Variants in CHEK1 observed in about 807,000 individuals in gnomAD.
CHEK1 encodes the protein serine/threonine-protein kinase Chk1.
In CHEK1, 32 loss-of-function variants were observed where a neutral mutation model predicts 60.2. The observed-to-expected ratio is 0.53, with a 90% CI of 0.40 to 0.71. The LOEUF (loss-of-function observed/expected upper bound fraction) is 0.71, where lower values mean the gene tolerates loss of function less well. Among genes scored for constraint, CHEK1 ranks in the 30% least tolerant of loss-of-function variants. The pLI is 0.00. For missense variants in CHEK1, 399 were observed against 564.6 expected, an observed-to-expected ratio of 0.71 and a Z score of 2.97; for synonymous variants, 179 against 187.2, an observed-to-expected ratio of 0.96 and a Z score of 0.36.
At chr11:125,641,122 A>G (rs1941288622) in intron 8 of CHEK1, among the ~76,000 whole-genome samples, 2 of 152,152 alleles carry the variant, frequency 1.3e-5, no homozygotes, top group Admixed American at 1.3e-4. Context: ...TACCATTTGT[A>G]CTTTCAGGCA....
chr11:125,641,272 C>T (rs568364849), intron 8 of CHEK1, among the ~76,000 whole-genome samples: 110 of 152,090 alleles, frequency 7.2e-4, no homozygotes, highest in African/African-American at 2.6e-3. Flanking sequence ...GGCTTCCAGG[C>T]GTTACACTCT....
chr11:125,630,020 G>A (rs1239137000), intron 5 of CHEK1, among the ~76,000 whole-genome samples: 2 of 151,790 alleles, frequency 1.3e-5, no homozygotes, highest in Admixed American at 1.3e-4. Context: ...CACCATGCCT[G>A]GCCAAGAATA....
chr11:125,627,115 A>T (rs747012774), intron 2 of CHEK1, among the ~76,000 whole-genome samples: 100 of 152,058 alleles, frequency 6.6e-4, no homozygotes, highest in Non-Finnish European at 1.1e-3. Context: ...GACTCTGGAG[A>T]TTGCCTGCCT....
Position 125,625,313 on chromosome 11 carries a change from G to A in CHEK1, c.-720G>A, listed in dbSNP as rs1456754962. Reference sequence around the variant, plus strand: ...GAAAAAAGGCAAAACTGGTTATCCTGACTTCAAGCTCCAACATAAACTGCT... The same window carrying A: ...GAAAAAAGGCAAAACTGGTTATCCTAACTTCAAGCTCCAACATAAACTGCT... On this transcript the variant is annotated 5_prime_UTR_variant, in exon 1 of 13. Coordinates refer to ENST00000438015, the MANE Select transcript of CHEK1 (RefSeq NM_001114122.3). 8 of 216,186 alleles carry A rather than the reference G, an allele frequency of 3.7e-5. No homozygotes were observed. The highest frequency in any genetic ancestry group is 7.2e-5 in the Non-Finnish European group (8 of 110,554). 13.4% of individuals were successfully genotyped at this position (216,186 alleles called of 1,614,324 possible).
At chr11:125,673,181 A>G (rs1402921746) in intron 13 of CHEK1, among the ~76,000 whole-genome samples, 1 of 147,878 alleles carries the variant, frequency 6.8e-6, no homozygotes, top group Non-Finnish European at 1.5e-5. Flanking sequence ...CTTGCACATC[A>G]TACTGTGGAC....
Position 125,633,197 on chromosome 11 carries a change from A to C in CHEK1, c.459A>C (p.Thr153=), listed in dbSNP as rs765194025. 6.3e-7 allele frequency: 1 copy of C among 1,599,324 alleles called. No individual in the cohort carries two copies. Among genetic ancestry groups the C allele is most frequent in the South Asian group, 1.1e-5 (1 of 87,032 alleles). Residue 153 remains threonine, a synonymous_variant, in exon 6 of 13, where the codon ACA becomes ACC. Coordinates refer to ENST00000438015, the MANE Select transcript of CHEK1 (RefSeq NM_001114122.3). ...AAATCTCAGACTTTGGCTTGGCAAC[A>C]GTATTTCGGTATAATAATCGTGAGC... The part of the protein sequence containing the change: ...NLKISDFGLA[T]VFRYNNRERL...
intron 11 of CHEK1, among the ~76,000 whole-genome samples, chr11:125,650,674 G>A (rs957986089): frequency 1.6e-4 from 24 of 152,076 alleles, no homozygotes; most frequent in African/African-American, 5.3e-4. Flanking sequence ...GGCTGGTCTC[G>A]AACTCCTGAC....
chr11:125,657,228 AGT>A (rs1176319336), downstream of CHEK1: 4 of 142,308 alleles, frequency 2.8e-5, no homozygotes, highest in Non-Finnish European at 4.5e-5. Context: ...TAATGTGTAC[AGT>A]GTGTGTGGTT....
intron 13 of CHEK1, among the ~76,000 whole-genome samples, chr11:125,667,274 G>C (rs574438520): frequency 6.6e-6 from 1 of 151,870 alleles, no homozygotes; most frequent in East Asian, 1.9e-4. Flanking sequence ...TTCTCTTCTC[G>C]CATTAGGTCA....
intron 13 of CHEK1, among the ~76,000 whole-genome samples, chr11:125,664,352 G>T (rs7937110): frequency 0.19 from 28,592 of 149,468 alleles, 2,914 homozygotes; most frequent in African/African-American, 0.27. Flanking sequence ...TCCTACCTCA[G>T]CCTCCCAAGT....
At chr11:125,626,181 G>A (rs941027066) in intron 1 of CHEK1, 169 bp downstream of exon 1, 9 of 595,732 alleles carry the variant, frequency 1.5e-5, no homozygotes, top group African/African-American at 1.1e-4. Flanking sequence ...GTACCAGGAG[G>A]TTCCCGTTGT....
intron 8 of CHEK1, 141 bp downstream of exon 8, chr11:125,637,685 A>G (rs1425904747): frequency 6.2e-6 from 3 of 482,932 alleles, no homozygotes; most frequent in Non-Finnish European, 3.5e-6. Context: ...AAAAAAATAC[A>G]GAAATAATTT....
chr11:125,643,960 A>T, intron 9 of CHEK1, 60 bp downstream of exon 9: 3 of 1,535,162 alleles, frequency 2.0e-6, no homozygotes, highest in Non-Finnish European at 2.7e-6. Flanking sequence ...AGAATAATAC[A>T]TGTATGTGTT....
At chr11:125,640,160 G>T (rs1020122244) in intron 8 of CHEK1, among the ~76,000 whole-genome samples, 1 of 152,164 alleles carries the variant, frequency 6.6e-6, no homozygotes, top group Non-Finnish European at 1.5e-5. Context: ...TTTGGAACGT[G>T]TTGCCAAGTT....
Position 125,633,301 on chromosome 11 carries a change from C to T in CHEK1, c.563C>T (p.Pro188Leu). The T allele has an allele frequency of 6.2e-7, 1 of 1,605,484 alleles. No individual in the cohort carries two copies. The highest frequency in any genetic ancestry group is 8.5e-7 in the Non-Finnish European group (1 of 1,177,496). ...AAGAGAAGAGAATTTCATGCAGAAC[C>T]AGTTGATGTTTGGTCCTGTGGAATA... is the stretch of plus-strand genomic sequence containing the variant. The part of the protein sequence containing the change: ...LLKRREFHAE[P>L]VDVWSCGIVL... The change falls in exon 6 of 13, where the codon CCA becomes CTA. Residue 188 changes from proline to leucine, a missense_variant. Physicochemically the swap from Pro to Leu is moderately conservative, Grantham distance 98. Coordinates refer to ENST00000438015, the MANE Select transcript of CHEK1 (RefSeq NM_001114122.3).
chr11:125,644,118 T>C lies in CHEK1; in HGVS notation c.951T>C (p.Ser317=). 1 of 1,612,462 alleles carries C rather than the reference T, an allele frequency of 6.2e-7. No homozygotes were observed. The highest frequency in any genetic ancestry group is 8.5e-7 in the Non-Finnish European group (1 of 1,179,658). ...AAGAAAATGTGAAGTACTCCAGTTCTCAGCCAGAACCCCGCACAGGTCTTT... is the reference window on the plus strand; with the variant it reads ...AAGAAAATGTGAAGTACTCCAGTTCCCAGCCAGAACCCCGCACAGGTCTTT... ...SSEENVKYSS[S]QPEPRTGLSL... The change falls in exon 10 of 13, where the codon TCT becomes TCC. Residue 317 remains serine (S), a synonymous_variant. Transcript: ENST00000438015.
downstream of CHEK1, chr11:125,680,607 G>A: frequency 1.2e-6 from 1 of 857,764 alleles, no homozygotes. Flanking sequence ...TTGTTTAGCT[G>A]CTCTTGATTC....
downstream of CHEK1, among the ~76,000 whole-genome samples, chr11:125,680,395 C>T (rs111880463): frequency 6.6e-6 from 1 of 152,300 alleles, no homozygotes; most frequent in African/African-American, 2.4e-5. Flanking sequence ...CACAAGGATC[C>T]CTCACATTTA....
At chr11:125,634,726 G>A (rs568452869) in intron 6 of CHEK1, among the ~76,000 whole-genome samples, 3 of 152,114 alleles carry the variant, frequency 2.0e-5, no homozygotes, top group South Asian at 2.1e-4. Flanking sequence ...ACCTAATTAC[G>A]TCTCAAAGGC....
Sources: allele counts gnomAD v4.1 joint callset (sites outside exome capture counted in the v4.1 genomes callset), GRCh38; gene constraint gnomAD v4.1.1; transcripts MANE v1.5; gene names NCBI Gene and HGNC (gene_info 2026-07-23, HGNC 2026-07-21).